PTPRT: variants seen among roughly 807,000 people sequenced by gnomAD.
PTPRT encodes receptor-type tyrosine-protein phosphatase T.
PTPRT carries 56 observed loss-of-function variants against 176.8 expected under a neutral mutation model. The observed-to-expected ratio is 0.32, with a 90% CI of 0.26 to 0.40. PTPRT has a LOEUF of 0.40. PTPRT is among the 10% of genes least tolerant of loss of function. PTPRT has a pLI of 1.00. For missense variants in PTPRT, 1,540 were observed against 1,908.2 expected (o/e 0.81, Z 3.60); for synonymous variants, 783 against 739.0 (o/e 1.06, Z -0.96).
At chr20:42,960,783 C>A in intron 1 of PTPRT, among the ~76,000 whole-genome samples, 1 of 152,110 alleles carries the variant, frequency 6.6e-6, no homozygotes, top group East Asian at 1.9e-4. Flanking sequence ...ATGTCATAAA[C>A]AGCACCAGAG....
At chr20:42,827,677 G>A (rs1461759801) in intron 2 of PTPRT, among the ~76,000 whole-genome samples, 1 of 152,162 alleles carries the variant, frequency 6.6e-6, no homozygotes, top group Admixed American at 6.5e-5. Flanking sequence ...GGACCTGGTG[G>A]GAGGTAATTA....
chr20:43,035,442 C>T (rs1325499612), intron 1 of PTPRT, among the ~76,000 whole-genome samples: 1 of 152,166 alleles, frequency 6.6e-6, no homozygotes, highest in African/African-American at 2.4e-5. Context: ...TACTACAGCA[C>T]AAAAGACAAT....
intron 1 of PTPRT, among the ~76,000 whole-genome samples, chr20:43,005,740 T>A (rs1459984247): frequency 6.6e-6 from 1 of 152,240 alleles, no homozygotes; most frequent in Admixed American, 6.5e-5. Context: ...GGTAAATGAA[T>A]AATTGAATGT....
intron 7 of PTPRT, among the ~76,000 whole-genome samples, chr20:42,613,871 G>T (rs1410106351): frequency 2.0e-5 from 3 of 151,690 alleles, no homozygotes; most frequent in Non-Finnish European, 4.4e-5. Context: ...CTTTCAAAAC[G>T]TTTGCTTTCA....
intron 18 of PTPRT, among the ~76,000 whole-genome samples, chr20:42,134,683 T>A (rs1477083658): frequency 6.6e-6 from 1 of 152,168 alleles, no homozygotes; most frequent in Non-Finnish European, 1.5e-5. Context: ...ATCAGTAATG[T>A]CTGCTGATTT....
chr20:42,366,955 T>C (rs767011953), intron 9 of PTPRT, among the ~76,000 whole-genome samples: 56 of 152,364 alleles, frequency 3.7e-4, no homozygotes, highest in Non-Finnish European at 7.6e-4. Flanking sequence ...TTGCCTTTTT[T>C]TCCCTTAAAA....
intron 7 of PTPRT, among the ~76,000 whole-genome samples, chr20:42,633,944 T>C (rs1467015463): frequency 2.1e-5 from 1 of 47,308 alleles, no homozygotes; most frequent in African/African-American, 8.2e-5. Flanking sequence ...TAATATAATA[T>C]AATATATAAT....
chr20:42,667,410 C>A (rs1405244764), intron 7 of PTPRT, among the ~76,000 whole-genome samples: 3 of 152,152 alleles, frequency 2.0e-5, no homozygotes, highest in Non-Finnish European at 4.4e-5. Context: ...ACAGTAGATA[C>A]CCCTCAAATT....
intron 9 of PTPRT, among the ~76,000 whole-genome samples, chr20:42,445,211 C>T (rs2059352230): frequency 6.6e-6 from 1 of 152,148 alleles, no homozygotes; most frequent in South Asian, 2.1e-4. Context: ...TGAACTTGGT[C>T]TTTTCATTTT....
chr20:42,041,028 T>C, the PTPRT span, among the ~76,000 whole-genome samples: 2 of 152,222 alleles, frequency 1.3e-5, no homozygotes, highest in Non-Finnish European at 2.9e-5. Flanking sequence ...GTGTTGGTTC[T>C]TGTGTTTCTG....
intron 7 of PTPRT, among the ~76,000 whole-genome samples, chr20:42,665,062 C>T (rs577659814): frequency 6.6e-5 from 10 of 152,078 alleles, no homozygotes; most frequent in Non-Finnish European, 1.2e-4. Flanking sequence ...GTCTAAAACA[C>T]CAAAAGCAAT....
intron 1 of PTPRT, among the ~76,000 whole-genome samples, chr20:43,140,000 G>A (rs932359821): frequency 6.6e-6 from 1 of 152,140 alleles, no homozygotes; most frequent in African/African-American, 2.4e-5. Context: ...AAATACAAAA[G>A]ATTTGCAATG....
chr20:43,118,561 T>A (rs1445033464), intron 1 of PTPRT, among the ~76,000 whole-genome samples: 1 of 152,112 alleles, frequency 6.6e-6, no homozygotes, highest in African/African-American at 2.4e-5. Flanking sequence ...TGCCTCAGCC[T>A]CCTGAGCAGC....
At chr20:42,270,348 GA>G in intron 13 of PTPRT, 1 of 1,504,322 alleles carries the variant, frequency 6.6e-7, no homozygotes, top group African/African-American at 1.4e-5. Context: ...AGGACCCACT[GA>G]GTGTGGGCAA....
chr20:42,557,627 C>T (rs1392997586), intron 7 of PTPRT, among the ~76,000 whole-genome samples: 1 of 152,078 alleles, frequency 6.6e-6, no homozygotes, highest in Non-Finnish European at 1.5e-5. Context: ...TGGATCCAGA[C>T]AATCAATAGC....
At chr20:43,006,057 T>C (rs577412607) in intron 1 of PTPRT, among the ~76,000 whole-genome samples, 89 of 152,348 alleles carry the variant, frequency 5.8e-4, no homozygotes, top group Non-Finnish European at 1.0e-3. Context: ...AAAATCAGCA[T>C]ACAATTCTAT....
At chr20:42,853,995 T>C (rs2078520249) in intron 2 of PTPRT, among the ~76,000 whole-genome samples, 1 of 152,140 alleles carries the variant, frequency 6.6e-6, no homozygotes, top group Non-Finnish European at 1.5e-5. Flanking sequence ...ATCACATATA[T>C]GTCTAGATCT....
At chr20:42,968,417 T>A (rs370676313) in intron 1 of PTPRT, among the ~76,000 whole-genome samples, 55 of 152,054 alleles carry the variant, frequency 3.6e-4, no homozygotes, top group African/African-American at 1.2e-3. Flanking sequence ...GATGGATAGG[T>A]GGGTAGGTGA....
intron 13 of PTPRT, among the ~76,000 whole-genome samples, chr20:42,269,973 C>T (rs1283140891): frequency 6.6e-6 from 1 of 152,158 alleles, no homozygotes; most frequent in African/African-American, 2.4e-5. Flanking sequence ...CCTTTGGCTG[C>T]ACATGGGTTT....
Sources: allele counts gnomAD v4.1 joint callset (sites outside exome capture counted in the v4.1 genomes callset), GRCh38; gene constraint gnomAD v4.1.1; transcripts MANE v1.5; gene names NCBI Gene and HGNC (gene_info 2026-07-23, HGNC 2026-07-21).